NFIA: variants seen among roughly 807,000 people sequenced by gnomAD.
NFIA encodes the protein nuclear factor I A.
A neutral mutation model predicts 62.8 loss-of-function variants in NFIA; 8 were observed. The observed-to-expected ratio is 0.13, with a 90% CI of 0.07 to 0.23. NFIA has a LOEUF of 0.23. Among genes scored for constraint, NFIA ranks in the 10% least tolerant of loss-of-function variants. The probability of loss-of-function intolerance (pLI) is 1.00; values close to 1 mark genes in which losing one functional copy is unlikely to be tolerated. For synonymous variants in NFIA, 235 were observed against 238.1 expected (o/e 0.99, Z 0.12); for missense variants, 410 against 642.1 (o/e 0.64, Z 3.91).
chr1:61,448,058 T>C (rs1667896375), intron 10 of NFIA, among the ~76,000 whole-genome samples: 1 of 152,296 alleles, frequency 6.6e-6, no homozygotes, highest in South Asian at 2.1e-4. Flanking sequence ...GGGTTTGTAT[T>C]TTATAAGAAG....
At chr1:61,377,094 G>A (rs1471080060) in intron 6 of NFIA, among the ~76,000 whole-genome samples, 1 of 151,874 alleles carries the variant, frequency 6.6e-6, no homozygotes. Context: ...ATGGTGGCAT[G>A]TGCCTGTAGA....
At chr1:61,227,734 G>A (rs1193034194) in intron 2 of NFIA, among the ~76,000 whole-genome samples, 1 of 152,152 alleles carries the variant, frequency 6.6e-6, no homozygotes, top group African/African-American at 2.4e-5. Context: ...ATTTTTGGAA[G>A]GTAGATGAAG....
chr1:61,294,767 A>G (rs539711640), intron 3 of NFIA, among the ~76,000 whole-genome samples: 1 of 152,322 alleles, frequency 6.6e-6, no homozygotes, highest in East Asian at 1.9e-4. Context: ...ATGCTTCGCT[A>G]TATCCCTGTT....
At chr1:61,369,068 C>T (rs1663748722) in intron 6 of NFIA, among the ~76,000 whole-genome samples, 1 of 152,182 alleles carries the variant, frequency 6.6e-6, no homozygotes, top group Non-Finnish European at 1.5e-5. Flanking sequence ...CTTAAAATAG[C>T]TGGTGCATCA....
At chr1:61,239,826 T>C (rs567435826) in intron 2 of NFIA, among the ~76,000 whole-genome samples, 1 of 152,254 alleles carries the variant, frequency 6.6e-6, no homozygotes, top group Non-Finnish European at 1.5e-5. Context: ...GCTGTATTAA[T>C]TGAAAGGATT....
intron 2 of NFIA, among the ~76,000 whole-genome samples, chr1:61,274,844 C>T (rs1657710682): frequency 6.6e-6 from 1 of 152,180 alleles, no homozygotes; most frequent in South Asian, 2.1e-4. Flanking sequence ...TGACCTTTTG[C>T]AATACCAGAA....
intron 4 of NFIA, among the ~76,000 whole-genome samples, chr1:61,334,165 T>C (rs1661458235): frequency 6.6e-6 from 1 of 152,134 alleles, no homozygotes; most frequent in Non-Finnish European, 1.5e-5. Context: ...GTTAGAATTG[T>C]GGGAGTCAAG....
At chr1:61,269,622 CTG>C (rs1372254938) in intron 2 of NFIA, among the ~76,000 whole-genome samples, 2 of 152,134 alleles carry the variant, frequency 1.3e-5, no homozygotes, top group Non-Finnish European at 2.9e-5. Flanking sequence ...ATTATGGTCA[CTG>C]TTCATTTTCA....
intron 2 of NFIA, among the ~76,000 whole-genome samples, chr1:61,267,038 C>T (rs989116296): frequency 4.6e-5 from 7 of 152,168 alleles, no homozygotes; most frequent in Non-Finnish European, 7.3e-5. Context: ...CAAGAAGGGA[C>T]TCAAACCCAG....
chr1:61,196,952 C>CTG (rs1178920796), intron 2 of NFIA, among the ~76,000 whole-genome samples: 24 of 149,066 alleles, frequency 1.6e-4, no homozygotes, highest in African/African-American at 2.2e-4. Flanking sequence ...CGCGCGCGCG[C>CTG]TGTGTGTGTG....
intron 2 of NFIA, among the ~76,000 whole-genome samples, chr1:61,218,033 A>AG (rs1269418774): frequency 6.6e-6 from 1 of 152,196 alleles, no homozygotes; most frequent in Non-Finnish European, 1.5e-5. Flanking sequence ...GTTCAGCAAA[A>AG]CCTTAAGGCA....
intron 4 of NFIA, among the ~76,000 whole-genome samples, chr1:61,348,615 A>G (rs1662375389): frequency 1.3e-5 from 2 of 152,202 alleles, no homozygotes; most frequent in African/African-American, 4.8e-5. Flanking sequence ...ATGTTTACAC[A>G]GGCTTTTCTT....
At chr1:61,407,736 C>T (rs990729914) in intron 9 of NFIA, among the ~76,000 whole-genome samples, 3 of 152,092 alleles carry the variant, frequency 2.0e-5, no homozygotes, top group African/African-American at 7.2e-5. Flanking sequence ...AAGGAATCTA[C>T]AGAGGAAAGG....
At position 61,283,593 on chromosome 1, in the gene NFIA, A is replaced by AAAAAGAAAAAG. The variant is rs1553168472; in HGVS notation, c.625+6012_625+6013insGAAAAAGAAAA. Among the ~76,000 whole-genome samples the AAAAAGAAAAAG allele has an allele frequency of 3.9e-4, 53 of 136,554 alleles. 1 individual carries two copies. Among genetic ancestry groups the AAAAAGAAAAAG allele is most frequent in the African/African-American group, 1.5e-3 (53 of 35,944 alleles). The allele number at this position is 136,554 out of a possible 152,430, so 89.6% of individuals were successfully genotyped here. A position where few individuals can be genotyped will look rare whatever the true frequency, so the allele number is the denominator to read the frequency against. ...CGAGACTCTGTCTCAAAAAAAAAAA[A>AAAAAGAAAAAG]AAAAAAAAAAAAAAAGATTTATGTG... On this transcript the variant is annotated intron_variant, in intron 3 of 10. Transcript: ENST00000403491.
intron 1 of NFIA, among the ~76,000 whole-genome samples, chr1:61,085,182 G>C (rs1646197286): frequency 6.6e-6 from 1 of 151,702 alleles, no homozygotes; most frequent in Non-Finnish European, 1.5e-5. Context: ...CATTTAACTT[G>C]TAGGCAATTT....
chr1:61,332,378 A>G (rs1398901270), intron 3 of NFIA, 134 bp from the exon 4 acceptor site: 2 of 783,286 alleles, frequency 2.6e-6, no homozygotes, highest in Non-Finnish European at 4.1e-6. Context: ...GCCCTCCCAC[A>G]TAAACCCCAA....
Position 61,430,477 on chromosome 1 carries a change from G to A in NFIA, c.1512+3921G>A, listed in dbSNP as rs554395683. 2.2e-4 allele frequency among the ~76,000 whole-genome samples: 34 copies of A among 152,182 alleles called. No homozygotes were observed. In the South Asian group the frequency reaches 2.5e-3, roughly 11 times the overall value. ...CAAAAAGTGAGATCATATTATATACGCTGTTTGGTAGCCTGCTGTTTCTTC... is the reference window on the plus strand; with the variant it reads ...CAAAAAGTGAGATCATATTATATACACTGTTTGGTAGCCTGCTGTTTCTTC... On this transcript the variant is annotated intron_variant, in intron 10 of 10. Coordinates refer to ENST00000403491, the MANE Select transcript of NFIA (RefSeq NM_001134673.4).
rs192577464 is a variant in NFIA at position 61,199,728 on chromosome 1, C to G, written c.560-77792C>G. Among the ~76,000 whole-genome samples the G allele has an allele frequency of 2.0e-4, 30 of 151,994 alleles. 1 individual carries two copies. The highest frequency in any genetic ancestry group is 7.9e-4 in the Admixed American group (12 of 15,268). On this transcript the variant is annotated intron_variant, in intron 2 of 10. Transcript: ENST00000403491. ...AAGGTTGAATGGCCAAGTACAGTGG[C>G]TCATGCCTGCAATCCCAGCACTTTG...
chr1:61,377,471 TA>T (rs2100474601), intron 6 of NFIA, among the ~76,000 whole-genome samples: 1 of 152,254 alleles, frequency 6.6e-6, no homozygotes, highest in African/African-American at 2.4e-5. Flanking sequence ...ATAACAGTTA[TA>T]AAAATAGGTT....
Sources: gnomAD v4.1 joint callset for allele counts (sites outside exome capture counted in the v4.1 genomes callset) on GRCh38, gnomAD v4.1.1 for gene constraint, MANE v1.5 for transcripts, NCBI Gene and HGNC (gene_info 2026-07-23, HGNC 2026-07-21) for gene names.